PDZD2: variants seen among roughly 807,000 people sequenced by gnomAD.
The protein encoded by PDZD2 is PDZ domain-containing protein 2.
A neutral mutation model predicts 220.7 loss-of-function variants in PDZD2; 90 were observed. The ratio of observed to expected loss-of-function variants is 0.41; its 90% CI spans 0.34 to 0.49. PDZD2 has a LOEUF of 0.49. PDZD2 is among the 20% of genes least tolerant of loss of function. The pLI is 0.28. For missense variants in PDZD2, 3,174 were observed against 3,608.5 expected, an observed-to-expected ratio of 0.88 and a Z score of 3.08; for synonymous variants, 1,375 against 1,450.5, an observed-to-expected ratio of 0.95 and a Z score of 1.18.
chr5:31,906,129 C>A, intron 2 of PDZD2, among the ~76,000 whole-genome samples: 1 of 18,816 alleles, frequency 5.3e-5, no homozygotes, highest in Non-Finnish European at 2.7e-4. Flanking sequence ...TCATGTCATT[C>A]TCCCGCCTCA....
Position 31,916,326 on chromosome 5 carries a change from T to G in PDZD2, c.477-66829T>G, listed in dbSNP as rs114419527. Reference sequence around the variant, plus strand: ...CCAAGGGTTGCCTTCCCTACTTCAGTTGCATTGCGTAGAGCAGGCTCAACC... The same window carrying G: ...CCAAGGGTTGCCTTCCCTACTTCAGGTGCATTGCGTAGAGCAGGCTCAACC... On this transcript the variant is annotated intron_variant, in intron 2 of 24. Transcript: ENST00000438447. Among the ~76,000 whole-genome samples, 1,305 of 152,316 alleles carry G rather than the reference T, an allele frequency of 8.6e-3. 23 individuals are homozygous for G. The highest frequency in any genetic ancestry group is 0.03 in the African/African-American group (1,247 of 41,570).
intron 1 of PDZD2, among the ~76,000 whole-genome samples, chr5:31,693,729 T>C (rs1747246899): frequency 6.6e-6 from 1 of 152,100 alleles, no homozygotes; most frequent in South Asian, 2.1e-4. Context: ...AGGAAATTGC[T>C]CTCCAGTTCG....
chr5:32,051,843 G>A (rs1242885641), intron 8 of PDZD2, among the ~76,000 whole-genome samples: 1 of 152,214 alleles, frequency 6.6e-6, no homozygotes, highest in African/African-American at 2.4e-5. Context: ...TGTGGTTTGG[G>A]TTTTATAAGA....
intron 1 of PDZD2, among the ~76,000 whole-genome samples, chr5:31,757,472 G>T (rs1264827971): frequency 5.3e-5 from 8 of 151,890 alleles, no homozygotes; most frequent in African/African-American, 1.9e-4. Context: ...GACACCTGTA[G>T]TCCCAGCTAC....
intron 2 of PDZD2, among the ~76,000 whole-genome samples, chr5:31,956,231 G>A (rs992486048): frequency 6.6e-6 from 1 of 151,784 alleles, no homozygotes; most frequent in Admixed American, 6.6e-5. Context: ...GTCTCCTACT[G>A]TACTGCTGCT....
intron 1 of PDZD2, among the ~76,000 whole-genome samples, chr5:31,656,062 T>C (rs1032652790): frequency 1.3e-5 from 2 of 152,238 alleles, no homozygotes; most frequent in Admixed American, 6.5e-5. Flanking sequence ...GACCCCATGC[T>C]GCAGAGTCGA....
chr5:31,957,308 G>A (rs1459910782), intron 2 of PDZD2, among the ~76,000 whole-genome samples: 2 of 152,092 alleles, frequency 1.3e-5, no homozygotes, highest in South Asian at 2.1e-4. Flanking sequence ...GGAGGACATC[G>A]CCAGTCACGC....
intron 7 of PDZD2, among the ~76,000 whole-genome samples, chr5:32,040,385 C>A: frequency 6.8e-6 from 1 of 147,016 alleles, no homozygotes; most frequent in Non-Finnish European, 1.5e-5. Context: ...GTGAGGAGTG[C>A]GTCTGCCCGG....
At chr5:31,679,930 A>T (rs1401632011) in intron 1 of PDZD2, among the ~76,000 whole-genome samples, 1 of 152,218 alleles carries the variant, frequency 6.6e-6, no homozygotes, top group Admixed American at 6.5e-5. Context: ...GAATGCCTAA[A>T]CTTACATAAA....
intron 2 of PDZD2, among the ~76,000 whole-genome samples, chr5:31,927,453 C>G (rs538449492): frequency 1.3e-5 from 2 of 152,092 alleles, no homozygotes; most frequent in Non-Finnish European, 2.9e-5. Context: ...GGCACTATCT[C>G]GCTCACTGCA....
intron 2 of PDZD2, among the ~76,000 whole-genome samples, chr5:31,920,309 A>C (rs1744103820): frequency 4.0e-5 from 6 of 151,370 alleles, no homozygotes. Flanking sequence ...TAAATAAATA[A>C]ATAATTTTTT....
chr5:32,077,349 C>G (rs1741392261), intron 18 of PDZD2, 113 bp from the exon 19 acceptor site: 1 of 1,017,854 alleles, frequency 9.8e-7, no homozygotes, highest in Admixed American at 1.9e-5. Flanking sequence ...GCTCCTAGTC[C>G]AGGGCCCCTT....
rs1554070463 is a variant in PDZD2, at chr5:31,751,256, AAG to A, written c.-360-47628_-360-47627del. On this transcript the variant is annotated intron_variant, in intron 1 of 24. Coordinates refer to ENST00000438447, the MANE Select transcript of PDZD2 (RefSeq NM_178140.4). ...AAGTACATCTCCAAAAAAAAAAAAA[AAG>A]AGAGTGGCATGATTAAATTGACCGT... Among the ~76,000 whole-genome samples the A allele has an allele frequency of 2.1e-3, 258 of 120,714 alleles. 4 individuals carry two copies. In the South Asian group the frequency reaches 0.032, roughly 15 times the overall value. The allele number at this position is 120,714 out of a possible 152,430, so 79.2% of individuals were successfully genotyped here.
At chr5:31,993,173 G>T (rs1345069019) in intron 3 of PDZD2, among the ~76,000 whole-genome samples, 1 of 152,174 alleles carries the variant, frequency 6.6e-6, no homozygotes, top group East Asian at 1.9e-4. Context: ...GAGGTCAGAG[G>T]CAGCAAACCA....
At chr5:31,799,963 G>T (rs545916467) in intron 2 of PDZD2, among the ~76,000 whole-genome samples, 55 of 152,202 alleles carry the variant, frequency 3.6e-4, no homozygotes, top group African/African-American at 1.3e-3. Flanking sequence ...CCCAGCAACC[G>T]TGAGGCTCCC....
At chr5:32,060,869 C>A in intron 13 of PDZD2, 133 bp from the exon 14 acceptor site, 1 of 642,154 alleles carries the variant, frequency 1.6e-6, no homozygotes, top group South Asian at 2.3e-5. Flanking sequence ...TGTATGCCAA[C>A]GGGAAAAGAT....
intron 10 of PDZD2, among the ~76,000 whole-genome samples, chr5:32,054,530 G>A (rs1353982078): frequency 1.3e-5 from 2 of 151,602 alleles, no homozygotes; most frequent in Non-Finnish European, 2.9e-5. Context: ...CCACCATGTT[G>A]CCCAGGCTGG....
At chr5:32,007,107 A>G (rs1421049997) in intron 5 of PDZD2, among the ~76,000 whole-genome samples, 3 of 150,822 alleles carry the variant, frequency 2.0e-5, no homozygotes, top group African/African-American at 4.9e-5. Flanking sequence ...TTTAGTAGAG[A>G]CGGGGTTTCA....
At chr5:31,905,915 C>T (rs1022567294) in intron 2 of PDZD2, among the ~76,000 whole-genome samples, 9 of 151,892 alleles carry the variant, frequency 5.9e-5, no homozygotes, top group Non-Finnish European at 2.9e-5. Flanking sequence ...TATATCAGCT[C>T]CCCTCCCCCA....
Sources: gnomAD v4.1 joint callset for allele counts (sites outside exome capture counted in the v4.1 genomes callset) on GRCh38, gnomAD v4.1.1 for gene constraint, MANE v1.5 for transcripts, NCBI Gene and HGNC (gene_info 2026-07-23, HGNC 2026-07-21) for gene names.